The following PAM variants were observed in gnomAD, a reference collection of about 807,000 sequenced individuals.
PAM encodes peptidylglycine alpha-amidating monooxygenase.
Under a neutral mutation model 122.1 loss-of-function variants are expected in PAM, and 72 were observed. The ratio of observed to expected loss-of-function variants is 0.59; its 90% confidence interval spans 0.49 to 0.72. The LOEUF (loss-of-function observed/expected upper bound fraction) is 0.72, where lower values mean the gene tolerates loss of function less well. PAM is among the 30% of genes least tolerant of loss of function. The pLI is 0.00. For missense variants in PAM, 1,106 were observed against 1,183.7 expected, an observed-to-expected ratio of 0.93 and a Z score of 0.96; for synonymous variants, 389 against 404.4, an observed-to-expected ratio of 0.96 and a Z score of 0.46.
chr5:102,983,002 T>C (rs925415582), intron 15 of PAM, among the ~76,000 whole-genome samples: 8 of 151,964 alleles, frequency 5.3e-5, no homozygotes, highest in South Asian at 2.1e-4. Context: ...AATGAGAAAT[T>C]TGACAAAGAG....
intron 1 of PAM, among the ~76,000 whole-genome samples, chr5:102,788,642 C>G (rs1193985921): frequency 6.6e-6 from 1 of 152,052 alleles, no homozygotes; most frequent in Non-Finnish European, 1.5e-5. Context: ...TTTTTTGACA[C>G]CACTGAGTAA....
chr5:102,945,236 T>C (rs1756638850), intron 7 of PAM, among the ~76,000 whole-genome samples: 1 of 152,024 alleles, frequency 6.6e-6, no homozygotes, highest in Non-Finnish European at 1.5e-5. Context: ...ATTTTACTTC[T>C]CTTAGACAAA....
rs528777240 is a variant in PAM, at chr5:102,859,411, T to G, written c.-373-6412T>G. Among the ~76,000 whole-genome samples, 779 of 145,086 alleles carry G rather than the reference T, an allele frequency of 5.4e-3. 9 individuals carry two copies. The highest frequency in any genetic ancestry group is 0.02 in the African/African-American group (701 of 35,574). On this transcript the variant is annotated intron_variant, in intron 1 of 25. Transcript: ENST00000438793. ...AAAAAGCTTAAAAAGTTTAATAAGG[T>G]TTTTTTTTAAAAAAAGCTTATAGAA...
At chr5:103,013,755 T>C (rs558927997) in intron 21 of PAM, among the ~76,000 whole-genome samples, 2 of 152,212 alleles carry the variant, frequency 1.3e-5, no homozygotes, top group South Asian at 2.1e-4. Context: ...GGTATAAAGG[T>C]GAATAAGGGT....
intron 1 of PAM, among the ~76,000 whole-genome samples, chr5:102,761,953 G>C (rs1315019785): frequency 6.6e-6 from 1 of 152,192 alleles, no homozygotes; most frequent in Non-Finnish European, 1.5e-5. Context: ...AATTCTGGGA[G>C]AGCCGAGGTC....
At chr5:102,944,199 A>G (rs1756217934) in intron 7 of PAM, among the ~76,000 whole-genome samples, 1 of 152,100 alleles carries the variant, frequency 6.6e-6, no homozygotes, top group Admixed American at 6.6e-5. Context: ...TTTACCTCAT[A>G]CCTATCTAGT....
At chr5:102,886,219 A>T (rs1209960948) in intron 3 of PAM, among the ~76,000 whole-genome samples, 1 of 152,078 alleles carries the variant, frequency 6.6e-6, no homozygotes, top group Non-Finnish European at 1.5e-5. Flanking sequence ...GAAGGATAAC[A>T]TTAATTAAAT....
At position 102,867,336 on chromosome 5, in the gene PAM, T is replaced by A; in HGVS notation, c.153T>A (p.Pro51=). 6.2e-7 allele frequency: 1 copy of A among 1,605,870 alleles called. No homozygotes were observed. ...TTGGTACCACCAGACCCGTAGTTCCTATTGATTCATCAGATTTTGCATTGG... is the reference window on the plus strand; with the variant it reads ...TTGGTACCACCAGACCCGTAGTTCCAATTGATTCATCAGATTTTGCATTGG... ...ECLGTTRPVV[P]IDSSDFALDI... The change falls in exon 3 of 26, where the codon CCT becomes CCA. Residue 51 remains proline (P), a synonymous_variant. Transcript: ENST00000438793.
At chr5:102,920,673 G>T (rs1747125544) in intron 5 of PAM, among the ~76,000 whole-genome samples, 3 of 151,972 alleles carry the variant, frequency 2.0e-5, no homozygotes, top group Admixed American at 1.3e-4. Context: ...TATTGATTTT[G>T]TGTTGTGTTT....
intron 3 of PAM, among the ~76,000 whole-genome samples, chr5:102,892,812 T>C (rs1176263695): frequency 6.6e-6 from 1 of 151,868 alleles, no homozygotes; most frequent in African/African-American, 2.4e-5. Flanking sequence ...GGCAATGTTA[T>C]ATGGTGCTGA....
At chr5:102,983,446 C>CAAAAAAAAAAAAAAAAAAAAAAAAAAA (rs70990421) in intron 15 of PAM, among the ~76,000 whole-genome samples, 1 of 103,572 alleles carries the variant, frequency 9.7e-6, no homozygotes, top group African/African-American at 3.6e-5. Context: ...TGAGACTGTC[C>CAAAAAAAAAAAAAAAAAAAAAAAAAAA]AAAAAAAAAA....
At chr5:102,940,502 CTA>C (rs201777482) in intron 7 of PAM, among the ~76,000 whole-genome samples, 182 of 141,788 alleles carry the variant, frequency 1.3e-3, no homozygotes, top group Non-Finnish European at 2.3e-3. Context: ...TATATATCAG[CTA>C]TATATATATA....
At chr5:102,942,488 A>G (rs1755592698) in intron 7 of PAM, among the ~76,000 whole-genome samples, 1 of 152,076 alleles carries the variant, frequency 6.6e-6, no homozygotes, top group African/African-American at 2.4e-5. Context: ...TTCAAGACAG[A>G]GAAAGTAGAG....
intron 1 of PAM, among the ~76,000 whole-genome samples, chr5:102,766,010 A>G (rs2149711885): frequency 6.6e-6 from 1 of 152,240 alleles, no homozygotes; most frequent in East Asian, 1.9e-4. Flanking sequence ...GCATGATACA[A>G]TACACATACA....
chr5:102,785,320 A>G (rs1014263869), intron 1 of PAM, among the ~76,000 whole-genome samples: 1 of 152,260 alleles, frequency 6.6e-6, no homozygotes, highest in African/African-American at 2.4e-5. Context: ...AATGAATCTC[A>G]TGCCCTTTAA....
In PAM at chr5:102,845,574, T is replaced by C. The variant is rs561705416; in HGVS notation, c.-373-20249T>C. 5.9e-5 allele frequency among the ~76,000 whole-genome samples: 9 copies of C among 152,346 alleles called. No homozygotes were observed. The East Asian group carries it at 1.7e-3, about 29-fold the overall frequency. On this transcript the variant is annotated intron_variant, in intron 1 of 25. Transcript: ENST00000438793. ...AATCCGATGGCTCCATTTTCATTCA[T>C]TTAAATATTTGGGGATTCGATTTGT...
chr5:102,932,582 T>TAA (rs897820338), intron 7 of PAM, among the ~76,000 whole-genome samples: 17 of 148,210 alleles, frequency 1.1e-4, no homozygotes, highest in African/African-American at 4.2e-4. Flanking sequence ...TATATACATA[T>TAA]AATTGTATAT....
intron 1 of PAM, among the ~76,000 whole-genome samples, chr5:102,859,788 T>A (rs1042006079): frequency 6.6e-6 from 1 of 152,206 alleles, no homozygotes; most frequent in African/African-American, 2.4e-5. Context: ...TTATCTTATA[T>A]ACAGTATTTT....
chr5:102,814,653 A>G (rs2150238533), intron 1 of PAM, among the ~76,000 whole-genome samples: 1 of 151,066 alleles, frequency 6.6e-6, no homozygotes, highest in South Asian at 2.1e-4. Flanking sequence ...CTTAAAAGCT[A>G]TTATTGTTTT....
Sources: gnomAD v4.1 joint callset for allele counts (sites outside exome capture counted in the v4.1 genomes callset) on GRCh38, gnomAD v4.1.1 for gene constraint, MANE v1.5 for transcripts, NCBI Gene and HGNC (gene_info 2026-07-23, HGNC 2026-07-21) for gene names.